KHDRBS2: variants seen among roughly 807,000 people sequenced by gnomAD.
KHDRBS2 encodes the protein KH domain-containing, RNA-binding, signal transduction-associated protein 2.
A neutral mutation model predicts 44.3 loss-of-function variants in KHDRBS2; 26 were observed. The observed-to-expected ratio is 0.59, with a 90% CI of 0.43 to 0.81. KHDRBS2 has a LOEUF of 0.81. Ranked by LOEUF, KHDRBS2 falls within the 40% of genes least tolerant of loss-of-function variation. The pLI is 0.00. For synonymous variants in KHDRBS2, 194 were observed against 151.1 expected (o/e 1.28, Z -2.08); for missense variants, 476 against 433.1 (o/e 1.10, Z -0.88).
At chr6:61,615,648 T>C in the KHDRBS2 span, among the ~76,000 whole-genome samples, 2 of 152,188 alleles carry the variant, frequency 1.3e-5, no homozygotes, top group African/African-American at 4.8e-5. Context: ...ATCCAAAGTG[T>C]TCCGAATTTG....
chr6:61,575,765 A>T, the KHDRBS2 span, among the ~76,000 whole-genome samples: 1 of 152,174 alleles, frequency 6.6e-6, no homozygotes, highest in Non-Finnish European at 1.5e-5. Context: ...ATAGAATACT[A>T]CTCAGATATA....
intron 2 of KHDRBS2, among the ~76,000 whole-genome samples, chr6:62,056,213 T>G (rs149507669): frequency 2.6e-5 from 4 of 152,106 alleles, no homozygotes; most frequent in African/African-American, 9.6e-5. Flanking sequence ...TGTGACATAT[T>G]ACTATGAAAT....
the KHDRBS2 span, among the ~76,000 whole-genome samples, chr6:61,650,286 C>A: frequency 6.6e-6 from 1 of 152,026 alleles, no homozygotes; most frequent in East Asian, 1.9e-4. Context: ...TCTGGCATAA[C>A]AATGATTTCA....
chr6:61,717,797 C>CTTGCTTTTT (rs1261648774), intron 7 of KHDRBS2, among the ~76,000 whole-genome samples: 1 of 151,940 alleles, frequency 6.6e-6, no homozygotes, highest in Non-Finnish European at 1.5e-5. Context: ...TCAGAAGTAT[C>CTTGCTTTTT]TTTTGGTCAG....
chr6:61,780,610 A>G (rs1782790395), intron 6 of KHDRBS2, among the ~76,000 whole-genome samples: 1 of 152,242 alleles, frequency 6.6e-6, no homozygotes, highest in Non-Finnish European at 1.5e-5. Flanking sequence ...CTAACATTTT[A>G]CTTACTGAAA....
the KHDRBS2 span, among the ~76,000 whole-genome samples, chr6:61,557,648 T>G: frequency 1.3e-5 from 2 of 152,186 alleles, no homozygotes; most frequent in African/African-American, 4.8e-5. Flanking sequence ...AGTAGCCTCA[T>G]AGAGTGAGTT....
chr6:62,098,715 T>A (rs1034507725), intron 2 of KHDRBS2, among the ~76,000 whole-genome samples: 1 of 152,180 alleles, frequency 6.6e-6, no homozygotes, highest in African/African-American at 2.4e-5. Flanking sequence ...CTGTTACAAT[T>A]TTTTGAATAT....
intron 2 of KHDRBS2, among the ~76,000 whole-genome samples, chr6:62,067,097 T>A (rs1029872005): frequency 6.6e-6 from 1 of 151,490 alleles, no homozygotes; most frequent in Non-Finnish European, 1.5e-5. Context: ...TGTCAATCTG[T>A]TCAATTAGAT....
intron 7 of KHDRBS2, among the ~76,000 whole-genome samples, chr6:61,702,047 TA>T (rs1403539256): frequency 2.0e-5 from 3 of 151,538 alleles, no homozygotes; most frequent in Non-Finnish European, 4.4e-5. Flanking sequence ...AGAAAGTAGG[TA>T]TTTTTTTTTT....
intron 6 of KHDRBS2, among the ~76,000 whole-genome samples, chr6:61,793,070 G>T (rs1265764439): frequency 2.6e-5 from 4 of 152,062 alleles, no homozygotes; most frequent in South Asian, 4.1e-4. Context: ...AAACACAAAA[G>T]AAGAGAATGC....
chr6:62,077,122 T>C (rs1469857235), intron 2 of KHDRBS2, among the ~76,000 whole-genome samples: 1 of 152,062 alleles, frequency 6.6e-6, no homozygotes, highest in Non-Finnish European at 1.5e-5. Flanking sequence ...GTTGAATTTA[T>C]CATTGCAGAA....
chr6:61,568,553 G>T, the KHDRBS2 span, among the ~76,000 whole-genome samples: 1 of 152,286 alleles, frequency 6.6e-6, no homozygotes. Flanking sequence ...GAATGTTACT[G>T]CAAATTCTAC....
the KHDRBS2 span, among the ~76,000 whole-genome samples, chr6:61,552,904 A>G: frequency 2.0e-5 from 3 of 152,062 alleles, no homozygotes; most frequent in African/African-American, 4.8e-5. Flanking sequence ...GTTTGCTAAT[A>G]TTTTACTGAA....
At chr6:62,053,337 A>G (rs1249716301) in intron 2 of KHDRBS2, among the ~76,000 whole-genome samples, 2 of 151,858 alleles carry the variant, frequency 1.3e-5, no homozygotes, top group Non-Finnish European at 2.9e-5. Context: ...AAATGCATAG[A>G]CCAAAGCCAC....
At chr6:61,675,684 C>G (rs1180523450), downstream of KHDRBS2, among the ~76,000 whole-genome samples, 1 of 151,688 alleles carries the variant, frequency 6.6e-6, no homozygotes, top group Non-Finnish European at 1.5e-5. Flanking sequence ...TATTTGAGTT[C>G]AGTAATACTT....
intron 4 of KHDRBS2, among the ~76,000 whole-genome samples, chr6:61,928,563 T>C (rs1007198104): frequency 2.0e-5 from 3 of 152,114 alleles, no homozygotes; most frequent in African/African-American, 7.2e-5. Context: ...TACTTCATTT[T>C]ATTTACTCTG....
the KHDRBS2 span, among the ~76,000 whole-genome samples, chr6:61,563,792 C>T: frequency 6.6e-6 from 1 of 151,962 alleles, no homozygotes; most frequent in African/African-American, 2.4e-5. Flanking sequence ...TATACAGCGA[C>T]GTTAGAGCCT....
At chr6:62,080,965 G>A (rs1052225147) in intron 2 of KHDRBS2, among the ~76,000 whole-genome samples, 5 of 152,008 alleles carry the variant, frequency 3.3e-5, no homozygotes, top group Admixed American at 1.3e-4. Context: ...GCCTAGGAAC[G>A]GTAAGGCTCC....
chr6:62,285,202 G>A (rs1842313969), intron 1 of KHDRBS2, among the ~76,000 whole-genome samples: 1 of 151,956 alleles, frequency 6.6e-6, no homozygotes, highest in South Asian at 2.1e-4. Flanking sequence ...AACATTACAG[G>A]TACACAAAAG....
Sources: gnomAD v4.1 joint callset for allele counts (sites outside exome capture counted in the v4.1 genomes callset) on GRCh38, gnomAD v4.1.1 for gene constraint, MANE v1.5 for transcripts, NCBI Gene and HGNC (gene_info 2026-07-23, HGNC 2026-07-21) for gene names.